The following GALNT13 variants were observed in gnomAD, a reference collection of about 807,000 sequenced individuals.
GALNT13 encodes the protein UDP-GalNAc:polypeptide N-acetylgalactosaminyltransferase 13.
GALNT13 carries 28 observed loss-of-function variants against 64.2 expected under a neutral mutation model. The observed-to-expected ratio is 0.44, with a 90% CI of 0.32 to 0.60. The LOEUF (loss-of-function observed/expected upper bound fraction) is 0.60, where lower values mean the gene tolerates loss of function less well. GALNT13 is among the 20% of genes least tolerant of loss of function. GALNT13 has a pLI of 0.05. For missense variants in GALNT13, 577 were observed against 669.8 expected, an observed-to-expected ratio of 0.86 and a Z score of 1.53; for synonymous variants, 214 against 224.6, an observed-to-expected ratio of 0.95 and a Z score of 0.42.
At chr2:154,246,626 G>T (rs1351104823) in intron 7 of GALNT13, among the ~76,000 whole-genome samples, 3 of 152,006 alleles carry the variant, frequency 2.0e-5, no homozygotes, top group Non-Finnish European at 4.4e-5. Flanking sequence ...TAAACACATT[G>T]TGGACCTCTT....
At chr2:153,911,743 T>C (rs1688955718) in intron 2 of GALNT13, among the ~76,000 whole-genome samples, 1 of 152,170 alleles carries the variant, frequency 6.6e-6, no homozygotes, top group Non-Finnish European at 1.5e-5. Flanking sequence ...ACCCCCAATC[T>C]CTTCTTGCTT....
chr2:153,809,562 G>C, the GALNT13 span, among the ~76,000 whole-genome samples: 1 of 152,056 alleles, frequency 6.6e-6, no homozygotes, highest in South Asian at 2.1e-4. Flanking sequence ...GTATATCTTT[G>C]AGCAATTTTA....
chr2:154,005,450 A>T (rs947580029), intron 3 of GALNT13, among the ~76,000 whole-genome samples: 4 of 152,180 alleles, frequency 2.6e-5, no homozygotes, highest in African/African-American at 9.7e-5. Context: ...AATCTGCAAG[A>T]CTGAAGTTCT....
At chr2:154,013,368 A>G (rs1235182682) in intron 3 of GALNT13, among the ~76,000 whole-genome samples, 1 of 151,964 alleles carries the variant, frequency 6.6e-6, no homozygotes, top group Non-Finnish European at 1.5e-5. Context: ...CCTGACGGCT[A>G]GAAGTGCTGA....
chr2:153,527,051 A>T, the GALNT13 span, among the ~76,000 whole-genome samples: 1 of 152,156 alleles, frequency 6.6e-6, no homozygotes, highest in Non-Finnish European at 1.5e-5. Flanking sequence ...TCTAGAAAAT[A>T]GCTTCAAAAT....
intron 3 of GALNT13, among the ~76,000 whole-genome samples, chr2:154,069,166 T>C (rs1341289098): frequency 6.6e-6 from 1 of 151,980 alleles, no homozygotes; most frequent in Non-Finnish European, 1.5e-5. Context: ...ATAAATATTA[T>C]TTAGACAAAA....
At chr2:153,836,433 A>G in the GALNT13 span, among the ~76,000 whole-genome samples, 1 of 151,998 alleles carries the variant, frequency 6.6e-6, no homozygotes, top group Non-Finnish European at 1.5e-5. Flanking sequence ...TATTCATCTT[A>G]GAAAGTTTGT....
intron 4 of GALNT13, among the ~76,000 whole-genome samples, chr2:154,241,595 G>GA (rs1297335451): frequency 6.6e-6 from 1 of 152,156 alleles, no homozygotes; most frequent in African/African-American, 2.4e-5. Context: ...ATTTAGAACA[G>GA]AAAAATCTGT....
At chr2:153,154,685 G>T in the GALNT13 span, among the ~76,000 whole-genome samples, 1 of 152,072 alleles carries the variant, frequency 6.6e-6, no homozygotes, top group African/African-American at 2.4e-5. Flanking sequence ...TCTGCAAACA[G>T]TTTGGCATCC....
the GALNT13 span, among the ~76,000 whole-genome samples, chr2:153,202,424 A>G: frequency 6.6e-6 from 1 of 152,354 alleles, no homozygotes; most frequent in African/African-American, 2.4e-5. Flanking sequence ...GCTTGGAAGC[A>G]GTAGAGAAGA....
the GALNT13 span, among the ~76,000 whole-genome samples, chr2:153,071,491 G>A: frequency 6.6e-6 from 1 of 152,180 alleles, no homozygotes; most frequent in African/African-American, 2.4e-5. Context: ...CAAAATTACT[G>A]GTTATGTTGA....
intron 9 of GALNT13, among the ~76,000 whole-genome samples, chr2:154,383,181 T>C (rs1698355990): frequency 6.6e-6 from 1 of 151,934 alleles, no homozygotes; most frequent in African/African-American, 2.4e-5. Context: ...CCTACTCTTC[T>C]GTTAGGAGAT....
the GALNT13 span, among the ~76,000 whole-genome samples, chr2:153,523,328 T>G: frequency 6.6e-6 from 1 of 152,318 alleles, no homozygotes; most frequent in South Asian, 2.1e-4. Context: ...ATATGAACTT[T>G]AGAATCAGTC....
the GALNT13 span, among the ~76,000 whole-genome samples, chr2:153,226,582 G>A: frequency 6.6e-6 from 1 of 152,086 alleles, no homozygotes; most frequent in African/African-American, 2.4e-5. Flanking sequence ...TAATCTTGAG[G>A]AAAATATCAG....
At chr2:153,609,774 C>T in the GALNT13 span, among the ~76,000 whole-genome samples, 4 of 152,178 alleles carry the variant, frequency 2.6e-5, no homozygotes, top group African/African-American at 9.6e-5. Flanking sequence ...GATCACATAG[C>T]CCTAATCCAA....
At chr2:153,681,259 C>A in the GALNT13 span, among the ~76,000 whole-genome samples, 6 of 151,902 alleles carry the variant, frequency 3.9e-5, no homozygotes, top group Admixed American at 3.9e-4. Flanking sequence ...TTAGCCCAAA[C>A]CAAGTAGATA....
the GALNT13 span, among the ~76,000 whole-genome samples, chr2:153,128,485 G>A: frequency 6.6e-6 from 1 of 152,020 alleles, no homozygotes; most frequent in Admixed American, 6.6e-5. Flanking sequence ...CCCACAACAC[G>A]TGGGAATTAT....
At chr2:153,735,639 CATTCCGTTGTCAT>C in the GALNT13 span, among the ~76,000 whole-genome samples, 115 of 152,250 alleles carry the variant, frequency 7.6e-4, no homozygotes, top group African/African-American at 2.6e-3. Flanking sequence ...TCATGTGCCA[CATTCCGTTGTCAT>C]ATTTGTTGAG....
At chr2:153,207,495 T>C in the GALNT13 span, among the ~76,000 whole-genome samples, 2 of 152,262 alleles carry the variant, frequency 1.3e-5, no homozygotes, top group African/African-American at 4.8e-5. Flanking sequence ...CATTGTTAAA[T>C]GGTGATACTC....
Sources: allele counts gnomAD v4.1 joint callset (sites outside exome capture counted in the v4.1 genomes callset), GRCh38; gene constraint gnomAD v4.1.1; transcripts MANE v1.5; gene names NCBI Gene and HGNC (gene_info 2026-07-23, HGNC 2026-07-21).